DHX37: variants seen among roughly 807,000 people sequenced by gnomAD.
DHX37 encodes the protein DEAH-box helicase 37.
DHX37 carries 52 observed loss-of-function variants against 134.3 expected under a neutral mutation model. The ratio of observed to expected loss-of-function variants is 0.39; its 90% CI spans 0.31 to 0.49. The LOEUF (loss-of-function observed/expected upper bound fraction) is 0.49, where lower values mean the gene tolerates loss of function less well. Among genes scored for constraint, DHX37 ranks in the 20% least tolerant of loss-of-function variants. DHX37 has a pLI of 0.93. For synonymous variants in DHX37, 634 were observed against 670.7 expected (o/e 0.95, Z 0.85); for missense variants, 1,344 against 1,580.8 (o/e 0.85, Z 2.54).
chr12:124,980,402 AT>A lies in DHX37; in HGVS notation c.738+87del. 7.2e-7 allele frequency: 1 copy of A among 1,394,020 alleles called. No homozygotes were observed. The highest frequency in any genetic ancestry group is 9.7e-7 in the Non-Finnish European group (1 of 1,030,612). 86.4% of individuals were successfully genotyped at this position (1,394,020 alleles called of 1,614,324 possible). On this transcript the variant is annotated intron_variant, in intron 4 of 26. Coordinates refer to ENST00000308736, the MANE Select transcript of DHX37 (RefSeq NM_032656.4). This position sits in a 1 kb window ranked among gnomAD's most constrained non-coding sequence, Gnocchi z 5.3. The stretch of plus-strand genomic sequence containing the variant: ...GGGGACATGGAGGCACAGAGAAGGG[AT>A]GCCCTTGCCCCACTTCACCAGGACG...
intron 22 of DHX37, 35 bp from the exon 23 acceptor site, chr12:124,950,585 G>A (rs865823686): frequency 1.9e-6 from 3 of 1,547,606 alleles, no homozygotes; most frequent in African/African-American, 1.4e-5. Context: ...GGTTACAGCG[G>A]CACCCTCCGT....
At chr12:124,948,371 G>A in intron 25 of DHX37, 190 bp from the exon 26 acceptor site, 1 of 1,067,098 alleles carries the variant, frequency 9.4e-7, no homozygotes, top group African/African-American at 1.6e-5. Flanking sequence ...GATCCCTTGA[G>A]CCTGGGAGTT....
chr12:124,967,253 G>C (rs1382796766), intron 10 of DHX37, 35 bp from the exon 11 acceptor site: 2 of 1,603,970 alleles, frequency 1.2e-6, no homozygotes, highest in Non-Finnish European at 1.7e-6. Context: ...TTATCCATCA[G>C]TCACTCACAA....
chr12:124,971,335 G>A lies in DHX37; in HGVS notation c.1158C>T (p.Gly386=). 1 of 1,613,266 alleles carries A rather than the reference G, an allele frequency of 6.2e-7. No individual in the cohort carries two copies. Among genetic ancestry groups the A allele is most frequent in the Non-Finnish European group, 8.5e-7 (1 of 1,179,992 alleles). Residue 386 remains glycine, a synonymous_variant, in exon 8 of 27, where the codon GGC becomes GGT. Transcript: ENST00000308736. ...GGAGAGTCACAATGCGGGACAGGAG[G>A]CCGATGAGGATGTCCGTGTACACGC... ...ERSVYTDILI[G]LLSRIVTLRA...
chr12:124,984,131 C>G (rs374715496), intron 2 of DHX37, among the ~76,000 whole-genome samples: 101 of 152,330 alleles, frequency 6.6e-4, no homozygotes, highest in African/African-American at 2.4e-3. Flanking sequence ...GCCAAATGTC[C>G]CTGGGGCAGC....
At chr12:124,968,390 A>C in intron 10 of DHX37, 144 bp downstream of exon 10, 3 of 1,362,894 alleles carry the variant, frequency 2.2e-6, no homozygotes, top group Non-Finnish European at 3.0e-6. Flanking sequence ...TGTCATGAAC[A>C]CTCTGGAATA....
Position 124,980,595 on chromosome 12 carries a change from C to T in DHX37, c.633G>A (p.Pro211=), listed in dbSNP as rs142273254. The T allele has an allele frequency of 7.1e-5, 115 of 1,610,650 alleles. No individual in the cohort carries two copies. The highest frequency in any genetic ancestry group is 2.4e-4 in the African/African-American group (18 of 74,854). Residue 211 remains proline (P), a synonymous_variant, in exon 4 of 27, where the codon CCG becomes CCA. Coordinates refer to ENST00000308736, the MANE Select transcript of DHX37 (RefSeq NM_032656.4). This position sits in a 1 kb window ranked among gnomAD's most constrained non-coding sequence, Gnocchi z 5.3. ...PAPAPSSQPV[P]AGMTVPPPPA... is the part of the protein sequence containing the mutation. The stretch of plus-strand genomic sequence containing the variant: ...GAGGAGGAGGAACAGTCATCCCAGC[C>T]GGCACGGGCTGACTGCTGGGTGCTG...
chr12:124,957,154 T>C lies in DHX37; in HGVS notation c.2158-19A>G, dbSNP rs1005165889. ...TGATGACCTGGGACACAAGGAGACG[T>C]GGCAGGGACAGGGTGAATGCCAAGA... is the stretch of plus-strand genomic sequence containing the variant. On this transcript the variant is annotated intron_variant, in intron 16 of 26. Transcript: ENST00000308736. 4.7e-6 allele frequency: 7 copies of C among 1,486,960 alleles called. No homozygotes were observed. The highest frequency in any genetic ancestry group is 6.2e-6 in the Non-Finnish European group (7 of 1,120,890). 92.1% of individuals were successfully genotyped at this position (1,486,960 alleles called of 1,614,324 possible).
At chr12:124,983,034 C>G (rs749702179) in intron 2 of DHX37, among the ~76,000 whole-genome samples, 34 of 152,046 alleles carry the variant, frequency 2.2e-4, no homozygotes, top group Non-Finnish European at 4.9e-4. Flanking sequence ...GGGGGTGTAC[C>G]CAGTTGGCTT....
At chr12:124,978,089 T>C (rs1179408914) in intron 4 of DHX37, among the ~76,000 whole-genome samples, 1 of 151,946 alleles carries the variant, frequency 6.6e-6, no homozygotes, top group African/African-American at 2.4e-5. Context: ...GCCTCCTGAG[T>C]AGCTGGGATT....
chr12:124,960,778 AC>A (rs1048943824), intron 15 of DHX37, among the ~76,000 whole-genome samples: 7 of 152,050 alleles, frequency 4.6e-5, no homozygotes, highest in African/African-American at 1.7e-4. Flanking sequence ...ACATGGGGAA[AC>A]CCCCATCTCT....
chr12:124,985,674 G>A (rs192993428), intron 2 of DHX37, among the ~76,000 whole-genome samples: 2 of 149,274 alleles, frequency 1.3e-5, no homozygotes, highest in African/African-American at 4.9e-5. Flanking sequence ...TTGATACCAG[G>A]AGAACCCAAG....
In DHX37 at chr12:124,954,149, A is replaced by G. The variant is rs767730811; in HGVS notation, c.2516T>C (p.Met839Thr). Residue 839 changes from methionine (M) to threonine (T), a missense_variant, in exon 19 of 27, where the codon ATG becomes ACG. This residue lies in a region of DHX37 where 558 missense variants were observed against 650.0 expected (regional missense o/e 0.86). Coordinates refer to ENST00000308736, the MANE Select transcript of DHX37 (RefSeq NM_032656.4). ...LKSKRARVAQ[M>T]KRTWAGQGAS... Reference sequence around the variant, plus strand: ...CCCCTGCCCTGCCCAGGTCCTCTTCATCTGGGCCACCCGGGCCCGCTTGCT... The same window carrying G: ...CCCCTGCCCTGCCCAGGTCCTCTTCGTCTGGGCCACCCGGGCCCGCTTGCT... The G allele has an allele frequency of 1.9e-6, 3 of 1,612,572 alleles. No individual in the cohort carries two copies. The highest frequency in any genetic ancestry group is 1.3e-5 in the African/African-American group (1 of 74,962).
intron 2 of DHX37, among the ~76,000 whole-genome samples, chr12:124,983,649 G>C (rs144070687): frequency 0.025 from 3,871 of 151,976 alleles, 146 homozygotes; most frequent in African/African-American, 0.088. Context: ...GCCGGGCATG[G>C]TGGCGCATGC....
At chr12:124,967,017 A>G (rs932715429) in intron 11 of DHX37, 106 bp downstream of exon 11, 6 of 1,529,332 alleles carry the variant, frequency 3.9e-6, no homozygotes, top group Non-Finnish European at 5.4e-6. Context: ...AAAGGTGCTG[A>G]TGCTTCCAGA....
intron 6 of DHX37, among the ~76,000 whole-genome samples, chr12:124,975,211 G>A (rs1342691419): frequency 6.6e-6 from 1 of 152,134 alleles, no homozygotes. Context: ...TCGGCACACT[G>A]TGCAGGACGT....
At chr12:124,951,980 AAAC>A (rs1398681403) in intron 21 of DHX37, among the ~76,000 whole-genome samples, 3 of 152,060 alleles carry the variant, frequency 2.0e-5, no homozygotes, top group Admixed American at 2.0e-4. Context: ...TCAAAAAAGA[AAAC>A]AACAACAACA....
chr12:124,953,617 T>A, intron 20 of DHX37: 1 of 490,162 alleles, frequency 2.0e-6, no homozygotes, highest in Non-Finnish European at 3.6e-6. Context: ...TGGCAGGGGG[T>A]ATCGCCAGGG....
intron 18 of DHX37, among the ~76,000 whole-genome samples, chr12:124,955,098 ACCTGGTTTT>A (rs1417354525): frequency 6.6e-6 from 1 of 152,224 alleles, no homozygotes; most frequent in Non-Finnish European, 1.5e-5. Context: ...AGGCCAAGAC[ACCTGGTTTT>A]CAAGACCTTA....
Sources: allele counts gnomAD v4.1 joint callset (sites outside exome capture counted in the v4.1 genomes callset), GRCh38; gene constraint gnomAD v4.1.1; regional missense constraint gnomAD v4.1.1; non-coding constraint Gnocchi (gnomAD v3.1); transcripts MANE v1.5; gene names NCBI Gene and HGNC (gene_info 2026-07-23, HGNC 2026-07-21).